The following MRM1 variants were observed in gnomAD, a reference collection of about 807,000 sequenced individuals.
The protein encoded by MRM1 is rRNA methyltransferase 1, mitochondrial.
In MRM1, 24 loss-of-function variants were observed where a neutral mutation model predicts 25.0. The ratio of observed to expected loss-of-function variants is 0.96; its 90% CI spans 0.69 to 1.35. The LOEUF is 1.35. MRM1 is among the 40% of genes most tolerant of loss of function. MRM1 has a pLI of 0.00. For synonymous variants in MRM1, 188 were observed against 199.2 expected, an observed-to-expected ratio of 0.94 and a Z score of 0.47; for missense variants, 431 against 464.1, an observed-to-expected ratio of 0.93 and a Z score of 0.65.
the MRM1 span, among the ~76,000 whole-genome samples, chr17:36,628,188 A>C: frequency 6.6e-6 from 1 of 152,154 alleles, no homozygotes; most frequent in Non-Finnish European, 1.5e-5. Flanking sequence ...GGGTCCCCCT[A>C]TGTTGCTCAG....
the MRM1 span, among the ~76,000 whole-genome samples, chr17:36,628,676 A>G: frequency 6.6e-6 from 1 of 152,146 alleles, no homozygotes; most frequent in Non-Finnish European, 1.5e-5. Context: ...GATGAGGAGG[A>G]TGAGACTGGC....
chr17:36,602,541 G>A lies in MRM1; in HGVS notation c.543-12G>A. 1.2e-6 allele frequency: 2 copies of A among 1,614,188 alleles called. No homozygotes were observed. The highest frequency in any genetic ancestry group is 1.7e-6 in the Non-Finnish European group (2 of 1,180,032). Reference sequence around the variant, plus strand: ...GGCCCAGCCTAATGCGGGGAACGGGGAAACCTTGCAGCTGCCCGCTCACTC... The same window carrying A: ...GGCCCAGCCTAATGCGGGGAACGGGAAAACCTTGCAGCTGCCCGCTCACTC... On this transcript the variant is annotated splice_polypyrimidine_tract_variant and intron_variant, in intron 1 of 4. Transcript: ENST00000614766. This position sits in a 1 kb window ranked among gnomAD's most constrained non-coding sequence, Gnocchi z 4.1.
Position 36,608,765 on chromosome 17 carries a change from T to G in MRM1, c.*350T>G. 1 of 222,270 alleles carries G rather than the reference T, an allele frequency of 4.5e-6. No individual in the cohort carries two copies. The highest frequency in any genetic ancestry group is 8.8e-6 in the Non-Finnish European group (1 of 114,086). The allele number at this position is 222,270 out of a possible 1,614,324, so 13.8% of individuals were successfully genotyped here. ...AGGGGACCCGTTCCTCTTGAACCAGTCATTGCCTGTGGCAAATGTGTGTAT... is the reference window on the plus strand; with the variant it reads ...AGGGGACCCGTTCCTCTTGAACCAGGCATTGCCTGTGGCAAATGTGTGTAT... On this transcript the variant is annotated 3_prime_UTR_variant, in exon 5 of 5. Transcript: ENST00000614766.
In MRM1 at chr17:36,607,787, A is replaced by T. The variant is rs779165279; in HGVS notation, c.754A>T (p.Thr252Ser). ...CTTGGAGTTCCTCTGGGAACGGCCT[A>T]CTCTCCTTGTGCTGGGTAGGTGGAT... The part of the protein sequence containing the change: ...SCLEFLWERP[T>S]LLVLGNEGSG... The change falls in exon 3 of 5, where the codon ACT (threonine) becomes TCT (serine). Residue 252 changes from threonine to serine, a missense_variant. Coordinates refer to ENST00000614766, the MANE Select transcript of MRM1 (RefSeq NM_024864.5). 6.2e-7 allele frequency: 1 copy of T among 1,613,930 alleles called. No individual in the cohort carries two copies. Among genetic ancestry groups the T allele is most frequent in the East Asian group, 2.2e-5 (1 of 44,846 alleles).
At chr17:36,616,006 C>A in the MRM1 span, among the ~76,000 whole-genome samples, 1 of 152,132 alleles carries the variant, frequency 6.6e-6, no homozygotes, top group Non-Finnish European at 1.5e-5. Flanking sequence ...ACAACAACAA[C>A]AACAACAACA....
the MRM1 span, among the ~76,000 whole-genome samples, chr17:36,627,904 G>T: frequency 6.6e-6 from 1 of 152,040 alleles, no homozygotes; most frequent in East Asian, 1.9e-4. Context: ...TTGAAATCCT[G>T]ACCTCAAGTG....
At position 36,602,144 on chromosome 17, in the gene MRM1, C is replaced by A; in HGVS notation, c.334C>A (p.Arg112Ser). ...ACGGCAGAAACTGGACACAATGTGC[C>A]GCTACCAGGTCCACCAGGGTGTCTG... ...PRRQKLDTMC[R>S]YQVHQGVCME... The change falls in exon 1 of 5, where the codon CGC becomes AGC. Residue 112 changes from arginine to serine, a missense_variant. Arg to Ser is a moderately radical substitution (Grantham distance 110, BLOSUM62 -1). Transcript: ENST00000614766. This position sits in a 1 kb window ranked among gnomAD's most constrained non-coding sequence, Gnocchi z 4.1. 1 of 1,613,038 alleles carries A rather than the reference C, an allele frequency of 6.2e-7. No individual in the cohort carries two copies.
rs1303227977 is a variant in MRM1 at position 36,601,665 on chromosome 17, G to C, written c.-146G>C. 2.3e-6 allele frequency: 2 copies of C among 869,476 alleles called. No homozygotes were observed. 53.9% of individuals were successfully genotyped at this position (869,476 alleles called of 1,614,324 possible). A position where few individuals can be genotyped will look rare whatever the true frequency, so the allele number is the denominator to read the frequency against. ...AGTCCAGTTGTGGGTAATCGGGGCT[G>C]TTTGTTCCTGTCCGAGAGAGCTCGG... On this transcript the variant is annotated 5_prime_UTR_variant, in exon 1 of 5. Transcript: ENST00000614766.
rs1385033468 is a variant in MRM1 at position 36,607,686 on chromosome 17, G to T, written c.653G>T (p.Gly218Val). Residue 218 changes from glycine (G) to valine (V), a missense_variant, in exon 3 of 5, where the codon GGC (glycine) becomes GTC (valine). By Grantham distance (109) the Gly-to-Val change is moderately radical. Transcript: ENST00000614766. The stretch of plus-strand genomic sequence containing the variant: ...CCCTTTCAGACCAAAGCCCAGCAGG[G>T]CTGGCTCGTGGCCGGCACGGTGGGC... ...TGFLQTKAQQ[G>V]WLVAGTVGCP... The T allele has an allele frequency of 6.2e-7, 1 of 1,613,986 alleles. No individual in the cohort carries two copies. Among genetic ancestry groups the T allele is most frequent in the South Asian group, 1.1e-5 (1 of 91,066 alleles).
chr17:36,606,985 G>A (rs1215189577), intron 2 of MRM1, among the ~76,000 whole-genome samples: 5 of 150,882 alleles, frequency 3.3e-5, no homozygotes, highest in Middle Eastern at 3.5e-3. Flanking sequence ...CGCAATCTCG[G>A]TTGACTGCAG....
At chr17:36,618,631 A>G in the MRM1 span, among the ~76,000 whole-genome samples, 1 of 152,158 alleles carries the variant, frequency 6.6e-6, no homozygotes, top group Non-Finnish European at 1.5e-5. Flanking sequence ...GGTCACGGAA[A>G]TAGAGGCTGG....
At chr17:36,612,523 C>T (rs767191708), downstream of MRM1, among the ~76,000 whole-genome samples, 2 of 152,080 alleles carry the variant, frequency 1.3e-5, no homozygotes, top group South Asian at 2.1e-4. Context: ...GTTAAGTACA[C>T]GGGAGCTGGG....
the MRM1 span, among the ~76,000 whole-genome samples, chr17:36,618,997 G>A: frequency 2.8e-4 from 43 of 152,266 alleles, no homozygotes; most frequent in Middle Eastern, 6.8e-3. Context: ...CAACAGCTCT[G>A]CAGAGCTCTT....
chr17:36,620,226 T>G, the MRM1 span, among the ~76,000 whole-genome samples: 5,035 of 152,002 alleles, frequency 0.033, 301 homozygotes, highest in Admixed American at 0.17. Context: ...CTTCTGCTTT[T>G]GTTACCTGTG....
At chr17:36,634,227 C>A in the MRM1 span, 1 of 151,936 alleles carries the variant, frequency 6.6e-6, no homozygotes, top group Non-Finnish European at 1.5e-5. Context: ...AGAACTTGTA[C>A]ATGTTTCCAT....
the MRM1 span, among the ~76,000 whole-genome samples, chr17:36,633,114 G>C: frequency 6.6e-6 from 1 of 152,188 alleles, no homozygotes; most frequent in South Asian, 2.1e-4. Context: ...CCTGTGGGTG[G>C]CTTGCCTCCT....
chr17:36,601,621 C>G lies in MRM1; in HGVS notation c.-190C>G. On this transcript the variant is annotated 5_prime_UTR_variant, in exon 1 of 5. Transcript: ENST00000614766. Reference sequence around the variant, plus strand: ...AGGGACCCACGTGGGAGCCTGGGAGCGGGTGGTCGTAGCTCGGTAGTCCAG... The same window carrying G: ...AGGGACCCACGTGGGAGCCTGGGAGGGGGTGGTCGTAGCTCGGTAGTCCAG... The G allele has an allele frequency of 1.9e-6, 1 of 527,258 alleles. No homozygotes were observed. Among genetic ancestry groups the G allele is most frequent in the Non-Finnish European group, 3.1e-6 (1 of 319,200 alleles). The allele number at this position is 527,258 out of a possible 1,614,324, so 32.7% of individuals were successfully genotyped here.
chr17:36,629,865 C>T, the MRM1 span, among the ~76,000 whole-genome samples: 4 of 152,172 alleles, frequency 2.6e-5, no homozygotes, highest in Non-Finnish European at 5.9e-5. Context: ...AGTGGTTTGG[C>T]CATCTGCCTT....
intron 2 of MRM1, among the ~76,000 whole-genome samples, chr17:36,605,284 T>G (rs1257430704): frequency 6.6e-6 from 1 of 151,870 alleles, no homozygotes; most frequent in Non-Finnish European, 1.5e-5. Flanking sequence ...GCCTCCTGAG[T>G]AGTTGGAGAT....
Sources: allele counts gnomAD v4.1 joint callset (sites outside exome capture counted in the v4.1 genomes callset), GRCh38; gene constraint gnomAD v4.1.1; non-coding constraint Gnocchi (gnomAD v3.1); transcripts MANE v1.5; gene names NCBI Gene and HGNC (gene_info 2026-07-23, HGNC 2026-07-21).